The following CAMKMT variants were observed in gnomAD, a reference collection of about 807,000 sequenced individuals.
CAMKMT encodes the protein calmodulin-lysine N-methyltransferase.
In CAMKMT, 53 loss-of-function variants were observed where a neutral mutation model predicts 48.0. The ratio of observed to expected loss-of-function variants is 1.10; its 90% CI spans 0.89 to 1.39. The LOEUF is 1.39. CAMKMT is among the 40% of genes most tolerant of loss of function. The pLI, the probability that CAMKMT is intolerant of heterozygous loss-of-function variation, is 0.00. For missense variants in CAMKMT, 428 were observed against 402.7 expected (o/e 1.06, Z -0.54); for synonymous variants, 165 against 152.3 (o/e 1.08, Z -0.61).
At chr2:44,487,982 C>T (rs913329273) in intron 3 of CAMKMT, among the ~76,000 whole-genome samples, 1 of 152,186 alleles carries the variant, frequency 6.6e-6, no homozygotes, top group Non-Finnish European at 1.5e-5. Flanking sequence ...GTAGTTTCTG[C>T]CTCATTTTCA....
At chr2:44,496,013 G>GT (rs1405733582) in intron 3 of CAMKMT, among the ~76,000 whole-genome samples, 1 of 152,112 alleles carries the variant, frequency 6.6e-6, no homozygotes, top group Non-Finnish European at 1.5e-5. Flanking sequence ...AGAGTATTTA[G>GT]TTTTTTTCCC....
chr2:44,661,360 G>T (rs1326449815), intron 3 of CAMKMT, among the ~76,000 whole-genome samples: 2 of 128,910 alleles, frequency 1.6e-5, no homozygotes, highest in East Asian at 4.4e-4. Context: ...CAGCTGCCCA[G>T]GCTGGAGTGC....
intron 7 of CAMKMT, among the ~76,000 whole-genome samples, chr2:44,721,624 A>G (rs1347350549): frequency 1.3e-5 from 2 of 152,202 alleles, no homozygotes; most frequent in Non-Finnish European, 2.9e-5. Context: ...GTATTCACAG[A>G]GTTGTGCAAG....
chr2:44,453,583 T>C (rs1667406856), intron 3 of CAMKMT, among the ~76,000 whole-genome samples: 1 of 152,054 alleles, frequency 6.6e-6, no homozygotes, highest in African/African-American at 2.4e-5. Flanking sequence ...GTGGGATAAT[T>C]TTTGTCATCT....
rs532208330 is a variant in CAMKMT at position 44,746,936 on chromosome 2, A to G, written c.698+3240A>G. Among the ~76,000 whole-genome samples the G allele has an allele frequency of 4.6e-5, 7 of 152,304 alleles. 1 individual carries two copies. Among genetic ancestry groups the G allele is most frequent in the African/African-American group, 1.7e-4 (7 of 41,574 alleles). Reference sequence around the variant, plus strand: ...AAGTAAGATGTTTTTTATCCAATGAACGCTTTCATTCAGTGTTTGAACGGC... The same window carrying G: ...AAGTAAGATGTTTTTTATCCAATGAGCGCTTTCATTCAGTGTTTGAACGGC... On this transcript the variant is annotated intron_variant, in intron 8 of 10. Transcript: ENST00000378494.
At chr2:44,614,786 C>T (rs576914384) in intron 3 of CAMKMT, among the ~76,000 whole-genome samples, 2 of 152,044 alleles carry the variant, frequency 1.3e-5, no homozygotes, top group East Asian at 1.9e-4. Flanking sequence ...AGCTGTGTCC[C>T]CTCCAGAGTC....
chr2:44,441,056 T>G (rs1666626546), intron 3 of CAMKMT, among the ~76,000 whole-genome samples: 2 of 152,206 alleles, frequency 1.3e-5, no homozygotes, highest in Admixed American at 1.3e-4. Flanking sequence ...ATTCACCTAT[T>G]AAATCATATT....
intron 3 of CAMKMT, among the ~76,000 whole-genome samples, chr2:44,554,137 G>A (rs1209518954): frequency 6.6e-6 from 1 of 152,226 alleles, no homozygotes; most frequent in South Asian, 2.1e-4. Context: ...GTGTCTGTAT[G>A]TTCAGTCGGA....
chr2:44,722,060 T>C (rs1189446119), intron 7 of CAMKMT, among the ~76,000 whole-genome samples: 1 of 152,236 alleles, frequency 6.6e-6, no homozygotes, highest in African/African-American at 2.4e-5. Context: ...AGGTTATTCA[T>C]GTGTAGCATA....
At chr2:44,626,785 A>G (rs1356760674) in intron 3 of CAMKMT, among the ~76,000 whole-genome samples, 1 of 152,170 alleles carries the variant, frequency 6.6e-6, no homozygotes, top group Non-Finnish European at 1.5e-5. Flanking sequence ...GGGACACAAC[A>G]TTCAGAACAT....
intron 6 of CAMKMT, among the ~76,000 whole-genome samples, chr2:44,712,905 G>A (rs1251325761): frequency 6.6e-6 from 1 of 152,002 alleles, no homozygotes; most frequent in Non-Finnish European, 1.5e-5. Flanking sequence ...GTAAGGGGTG[G>A]GGAGCAGGAT....
intron 3 of CAMKMT, among the ~76,000 whole-genome samples, chr2:44,681,923 G>C (rs1676038380): frequency 6.6e-6 from 1 of 152,156 alleles, no homozygotes; most frequent in South Asian, 2.1e-4. Flanking sequence ...ACTGTCTTTA[G>C]AATCGTTACT....
intron 3 of CAMKMT, among the ~76,000 whole-genome samples, chr2:44,402,739 T>C (rs1682488290): frequency 9.9e-6 from 1 of 101,086 alleles, no homozygotes; most frequent in African/African-American, 4.2e-5. Context: ...TTTGTTTTGC[T>C]GTTTTTTTTT....
chr2:44,390,317 A>G lies in CAMKMT; in HGVS notation c.376+12A>G, dbSNP rs974825078. On this transcript the variant is annotated intron_variant, in intron 3 of 10. Coordinates refer to ENST00000378494, the MANE Select transcript of CAMKMT (RefSeq NM_024766.5). Reference sequence around the variant, plus strand: ...TACAGGAAATGTTTGTAAGTTATACATTCACTCTATAGAAATATATTTAGT... The same window carrying G: ...TACAGGAAATGTTTGTAAGTTATACGTTCACTCTATAGAAATATATTTAGT... 1.3e-6 allele frequency: 2 copies of G among 1,551,716 alleles called. No individual in the cohort carries two copies. The highest frequency in any genetic ancestry group is 8.8e-7 in the Non-Finnish European group (1 of 1,133,262).
chr2:44,455,724 G>C (rs998225737), intron 3 of CAMKMT, among the ~76,000 whole-genome samples: 2 of 151,978 alleles, frequency 1.3e-5, no homozygotes, highest in African/African-American at 4.8e-5. Context: ...ACAACTCCCA[G>C]GGTTAGTATA....
chr2:44,665,409 C>T (rs950964942), intron 3 of CAMKMT, among the ~76,000 whole-genome samples: 1 of 152,126 alleles, frequency 6.6e-6, no homozygotes, highest in Non-Finnish European at 1.5e-5. Flanking sequence ...GCTGAGACCT[C>T]AGGCCAGAGT....
chr2:44,510,402 CCTT>C (rs1670480039), intron 3 of CAMKMT, among the ~76,000 whole-genome samples: 3 of 152,230 alleles, frequency 2.0e-5, no homozygotes, highest in South Asian at 4.2e-4. Context: ...GTGATGTGCT[CCTT>C]CTCAGTGAAT....
intron 3 of CAMKMT, among the ~76,000 whole-genome samples, chr2:44,684,380 G>T (rs909607790): frequency 3.2e-4 from 49 of 152,082 alleles, no homozygotes; most frequent in African/African-American, 1.1e-3. Flanking sequence ...CAAGAGTTCG[G>T]TTTAAATAGT....
chr2:44,625,372 T>C (rs1558753368), intron 3 of CAMKMT, among the ~76,000 whole-genome samples: 1 of 152,174 alleles, frequency 6.6e-6, no homozygotes, highest in East Asian at 1.9e-4. Flanking sequence ...TAATTCTGTA[T>C]ATAACCTATA....
Sources: allele counts gnomAD v4.1 joint callset (sites outside exome capture counted in the v4.1 genomes callset), GRCh38; gene constraint gnomAD v4.1.1; transcripts MANE v1.5; gene names NCBI Gene and HGNC (gene_info 2026-07-23, HGNC 2026-07-21).